Variants in FAM193B observed in about 807,000 individuals in gnomAD.
The protein encoded by FAM193B is family with sequence similarity 193 member B.
FAM193B carries 27 observed loss-of-function variants against 70.7 expected under a neutral mutation model. That is an observed-to-expected ratio of 0.38 (90% CI 0.28 to 0.53). The LOEUF is 0.53. Ranked by LOEUF, FAM193B falls within the 20% of genes least tolerant of loss-of-function variation. The pLI is 0.81. For missense variants in FAM193B, 1,022 were observed against 1,072.5 expected (o/e 0.95, Z 0.66); for synonymous variants, 448 against 436.0 (o/e 1.03, Z -0.34).
chr5:177,554,119 G>C (rs1766713546), intron 1 of FAM193B, 130 bp downstream of exon 1: 2 of 1,405,004 alleles, frequency 1.4e-6, no homozygotes, highest in Non-Finnish European at 1.9e-6. Flanking sequence ...AAGCTTCGGC[G>C]CCGGACCCGG....
chr5:177,523,575 A>G (rs1209479700), intron 7 of FAM193B, among the ~76,000 whole-genome samples: 2 of 151,512 alleles, frequency 1.3e-5, no homozygotes, highest in Non-Finnish European at 2.9e-5. Flanking sequence ...ATCCTCCCCA[A>G]CTCTATGCCA....
Position 177,538,957 on chromosome 5 carries a change from C to A in FAM193B, c.401G>T (p.Arg134Leu). The A allele has an allele frequency of 6.2e-7, 1 of 1,614,044 alleles. No individual in the cohort carries two copies. The highest frequency in any genetic ancestry group is 8.5e-7 in the Non-Finnish European group (1 of 1,179,906). The change falls in exon 2 of 9, where the codon CGA (arginine) becomes CTA (leucine). Residue 134 changes from arginine (R) to leucine (L), a missense_variant. By Grantham distance (102) the Arg-to-Leu change is moderately radical. Coordinates refer to ENST00000514747, the MANE Select transcript of FAM193B (RefSeq NM_001190946.3). This position sits in a 1 kb window ranked among gnomAD's most constrained non-coding sequence, Gnocchi z 4.1. ...CCTTTCATCTTCCTCCATGCTCTTT[C>A]GGCAACTCTGGCAGACCCACAGAGG... is the stretch of plus-strand genomic sequence containing the variant. The part of the protein sequence containing the change: ...EMPLWVCQSC[R>L]KSMEEDERQT...
chr5:177,531,425 C>A (rs1581873663), intron 5 of FAM193B: 2 of 1,362,356 alleles, frequency 1.5e-6, no homozygotes, highest in East Asian at 4.6e-5. Context: ...CCCAGGGTGC[C>A]CCCCTTCATG....
At chr5:177,529,925 C>T (rs1224233350) in intron 5 of FAM193B, among the ~76,000 whole-genome samples, 2 of 152,186 alleles carry the variant, frequency 1.3e-5, no homozygotes, top group Admixed American at 1.3e-4. Flanking sequence ...TGGCTCACTA[C>T]TTCAGGCGGC....
intron 1 of FAM193B, among the ~76,000 whole-genome samples, chr5:177,552,558 G>T (rs1766409851): frequency 6.6e-6 from 1 of 152,248 alleles, no homozygotes; most frequent in East Asian, 1.9e-4. Flanking sequence ...TCTGCTGAAT[G>T]GGAAGAAGAG....
intron 1 of FAM193B, among the ~76,000 whole-genome samples, chr5:177,543,218 C>T (rs933621441): frequency 2.6e-5 from 4 of 152,068 alleles, no homozygotes; most frequent in African/African-American, 9.7e-5. Context: ...GATAGGTTGT[C>T]TTCCTAGTTA....
At chr5:177,522,154 A>T in intron 7 of FAM193B, 83 bp from the exon 8 acceptor site, 1 of 1,102,008 alleles carries the variant, frequency 9.1e-7, no homozygotes, top group Non-Finnish European at 1.4e-6. Flanking sequence ...CCATGTCCCC[A>T]TCACTAAGAG....
intron 5 of FAM193B, among the ~76,000 whole-genome samples, chr5:177,525,846 A>G (rs926123118): frequency 6.6e-6 from 1 of 152,270 alleles, no homozygotes; most frequent in Non-Finnish European, 1.5e-5. Flanking sequence ...GAAGGCTCAG[A>G]GAGGCCAGGC....
chr5:177,524,198 T>A lies in FAM193B; in HGVS notation c.2283A>T (p.Pro761=). 1 of 1,557,658 alleles carries A rather than the reference T, an allele frequency of 6.4e-7. No homozygotes were observed. Among genetic ancestry groups the A allele is most frequent in the Non-Finnish European group, 8.7e-7 (1 of 1,151,550 alleles). Residue 761 remains proline, a synonymous_variant, in exon 6 of 9, where the codon CCA becomes CCT. Transcript: ENST00000514747. ...SRRSRNKQEK[P]ASSLDDVFLP... is the part of the protein sequence containing the mutation. ...TGGTGCACTCACCCAAGGAGGAGGC[T>A]GGCTTCTCCTGCTTGTTGCGGCTCC...
chr5:177,537,970 C>G lies in FAM193B; in HGVS notation c.591G>C (p.Ser197=). 1 of 1,564,652 alleles carries G rather than the reference C, an allele frequency of 6.4e-7. No homozygotes were observed. The change falls in exon 3 of 9, where the codon TCG becomes TCC. Residue 197 remains serine (S), a synonymous_variant. Coordinates refer to ENST00000514747, the MANE Select transcript of FAM193B (RefSeq NM_001190946.3). The stretch of plus-strand genomic sequence containing the variant: ...CCGAGAGCTTATGTGCCGACAGGAA[C>G]GAGCTAGGATCCCAGTCTCCCGAGT... ...PGNSGDWDPS[S]FLSAHKLSGL... is the part of the protein sequence containing the mutation.
At chr5:177,534,505 TGCTGGCCAG>T (rs1253419632) in intron 4 of FAM193B, among the ~76,000 whole-genome samples, 2 of 151,992 alleles carry the variant, frequency 1.3e-5, no homozygotes, top group African/African-American at 4.8e-5. Context: ...GGTTTCACCA[TGCTGGCCAG>T]GCTGGTCTGG....
chr5:177,523,362 G>T (rs1762071238), intron 7 of FAM193B: 3 of 241,152 alleles, frequency 1.2e-5, no homozygotes. Flanking sequence ...TTTGTGTTTT[G>T]TTTTTTTTCC....
In FAM193B at chr5:177,539,065, G is replaced by A; in HGVS notation, c.293C>T (p.Ser98Phe). Residue 98 changes from serine to phenylalanine, a missense_variant, in exon 2 of 9, where the codon TCT becomes TTT. Physicochemically the swap from Ser to Phe is radical, Grantham distance 155. Coordinates refer to ENST00000514747, the MANE Select transcript of FAM193B (RefSeq NM_001190946.3). ...ACCCTGCAACACCAGTCCATTTTGA[G>A]AAGGGCCTTCTTCCCAGCCTTTGCG... is the stretch of plus-strand genomic sequence containing the variant. ...RERKGWEEGP[S>F]QNGLVLQGEK... The A allele has an allele frequency of 6.2e-7, 1 of 1,613,818 alleles. No individual in the cohort carries two copies. The highest frequency in any genetic ancestry group is 8.5e-7 in the Non-Finnish European group (1 of 1,179,806).
chr5:177,528,374 A>G (rs1762944301), intron 5 of FAM193B, among the ~76,000 whole-genome samples: 1 of 152,188 alleles, frequency 6.6e-6, no homozygotes, highest in Non-Finnish European at 1.5e-5. Flanking sequence ...TGTGGCTGTG[A>G]TGAGAGGAAA....
intron 4 of FAM193B, among the ~76,000 whole-genome samples, chr5:177,534,384 C>T (rs1011465010): frequency 6.6e-6 from 1 of 151,150 alleles, no homozygotes; most frequent in African/African-American, 2.4e-5. Flanking sequence ...GCAACCTCCG[C>T]CTCCCAGGTT....
Position 177,554,397 on chromosome 5 carries a change from G to A in FAM193B, c.62C>T (p.Ala21Val). The A allele has an allele frequency of 1.7e-6, 2 of 1,159,734 alleles. No individual in the cohort carries two copies. Among genetic ancestry groups the A allele is most frequent in the East Asian group, 4.0e-5 (1 of 24,992 alleles). 71.8% of individuals were successfully genotyped at this position (1,159,734 alleles called of 1,614,324 possible). Residue 21 changes from alanine to valine, a missense_variant, in exon 1 of 9, where the codon GCG (alanine) becomes GTG (valine). Ala to Val is a moderately conservative substitution (Grantham distance 64, BLOSUM62 0). Coordinates refer to ENST00000514747, the MANE Select transcript of FAM193B (RefSeq NM_001190946.3). ...GAGRRERARA[A>V]GPQKPQAPEP... Reference sequence around the variant, plus strand: ...GGGCGCCTGGGGCTTCTGCGGCCCCGCGGCCCGAGCCCGCTCGCGCCTGCC... The same window carrying A: ...GGGCGCCTGGGGCTTCTGCGGCCCCACGGCCCGAGCCCGCTCGCGCCTGCC...
chr5:177,531,855 A>G (rs1185251065), intron 5 of FAM193B: 8 of 1,165,762 alleles, frequency 6.9e-6, no homozygotes, highest in Non-Finnish European at 8.7e-6. Context: ...TAAAATGAGG[A>G]TAATAACCCC....
At chr5:177,520,881 G>A (rs1345012311) in intron 8 of FAM193B, among the ~76,000 whole-genome samples, 2 of 152,200 alleles carry the variant, frequency 1.3e-5, no homozygotes, top group African/African-American at 2.4e-5. Context: ...ACTAAAGTGA[G>A]TGTAAAGAAG....
At position 177,554,194 on chromosome 5, in the gene FAM193B, C is replaced by A. The variant is rs1160487666; in HGVS notation, c.210+55G>T. 1.1e-5 allele frequency: 16 copies of A among 1,479,344 alleles called. No individual in the cohort carries two copies. The Admixed American group carries it at 2.4e-4, about 22-fold the overall frequency. 91.6% of individuals were successfully genotyped at this position (1,479,344 alleles called of 1,614,324 possible). ...CCCAACCCCGCCCCACTCCCGCTCC[C>A]GCTCGGGGAAGGTGAAAGCGCCCGA... On this transcript the variant is annotated intron_variant, in intron 1 of 8. Coordinates refer to ENST00000514747, the MANE Select transcript of FAM193B (RefSeq NM_001190946.3).
Sources: allele counts gnomAD v4.1 joint callset (sites outside exome capture counted in the v4.1 genomes callset), GRCh38; gene constraint gnomAD v4.1.1; non-coding constraint Gnocchi (gnomAD v3.1); transcripts MANE v1.5; gene names NCBI Gene and HGNC (gene_info 2026-07-23, HGNC 2026-07-21).